RASGRP3: variants seen among roughly 807,000 people sequenced by gnomAD.
RASGRP3 encodes RAS guanyl releasing protein 3, also known as ras guanyl-releasing protein 3.
A neutral mutation model predicts 82.7 loss-of-function variants in RASGRP3; 54 were observed. That is an observed-to-expected ratio of 0.65 (90% CI 0.52 to 0.82). RASGRP3 has a LOEUF of 0.82. RASGRP3 is among the 40% of genes least tolerant of loss of function. The pLI, the probability that RASGRP3 is intolerant of heterozygous loss-of-function variation, is 0.00. For missense variants in RASGRP3, 861 were observed against 828.9 expected (o/e 1.04, Z -0.48); for synonymous variants, 309 against 300.5 (o/e 1.03, Z -0.29).
intron 14 of RASGRP3, among the ~76,000 whole-genome samples, chr2:33,550,509 A>C (rs1274936825): frequency 2.0e-5 from 3 of 152,204 alleles, no homozygotes; most frequent in African/African-American, 7.2e-5. Flanking sequence ...TTTGGGAACC[A>C]AGGTCAGTTT....
At chr2:33,457,141 G>T (rs562350736) in intron 2 of RASGRP3, among the ~76,000 whole-genome samples, 24 of 152,052 alleles carry the variant, frequency 1.6e-4, no homozygotes, top group Middle Eastern at 3.4e-3. Flanking sequence ...AAAGTACTGG[G>T]GTTACAGGTG....
At chr2:33,441,707 C>A (rs1015484050) in intron 1 of RASGRP3, among the ~76,000 whole-genome samples, 3 of 152,224 alleles carry the variant, frequency 2.0e-5, no homozygotes, top group Non-Finnish European at 4.4e-5. Context: ...ACTAAACTTT[C>A]AATGCACATA....
At chr2:33,556,044 TA>T (rs1675909608) in intron 15 of RASGRP3, among the ~76,000 whole-genome samples, 1 of 152,306 alleles carries the variant, frequency 6.6e-6, no homozygotes, top group South Asian at 2.1e-4. Context: ...TGCTTTCCTC[TA>T]TCTTTCCCAT....
At position 33,562,915 on chromosome 2, in the gene RASGRP3, TAAC is replaced by T; in HGVS notation, c.*179_*181del. On this transcript the variant is annotated 3_prime_UTR_variant, in exon 18 of 18. Coordinates refer to ENST00000403687, the MANE Select transcript of RASGRP3 (RefSeq NM_001139488.2). ...TATGGGACAGAGAATTGACCCTAAC[TAAC>T]TAACTATGAACTATTTATTTCCTCC... The T allele has an allele frequency of 6.9e-6, 5 of 724,806 alleles. No individual in the cohort carries two copies. The highest frequency in any genetic ancestry group is 1.1e-5 in the Non-Finnish European group (5 of 443,710). The allele number at this position is 724,806 out of a possible 1,614,324, so 44.9% of individuals were successfully genotyped here.
intron 1 of RASGRP3, among the ~76,000 whole-genome samples, chr2:33,437,540 G>A (rs916273018): frequency 9.2e-5 from 14 of 152,196 alleles, no homozygotes; most frequent in Admixed American, 9.2e-4. Context: ...AAGGAAATGT[G>A]TGGCTGTTAT....
chr2:33,505,153 T>TCATCAC (rs1553347435), intron 1 of RASGRP3, among the ~76,000 whole-genome samples: 9,211 of 149,842 alleles, frequency 0.061, 316 homozygotes, highest in South Asian at 0.12. Context: ...ATCATCATCA[T>TCATCAC]CACCACCACC....
intron 1 of RASGRP3, among the ~76,000 whole-genome samples, chr2:33,503,702 A>G (rs1043533614): frequency 6.6e-6 from 1 of 152,192 alleles, no homozygotes; most frequent in African/African-American, 2.4e-5. Flanking sequence ...CATCCCATAA[A>G]AGAGTACTAT....
chr2:33,509,198 C>T (rs914384444), intron 1 of RASGRP3, among the ~76,000 whole-genome samples: 21 of 151,956 alleles, frequency 1.4e-4, no homozygotes, highest in African/African-American at 5.1e-4. Context: ...GTCAGGAGTT[C>T]GAGACCAGCC....
At chr2:33,511,109 AC>A (rs1670884844) in intron 1 of RASGRP3, among the ~76,000 whole-genome samples, 1 of 152,190 alleles carries the variant, frequency 6.6e-6, no homozygotes, top group Non-Finnish European at 1.5e-5. Flanking sequence ...AATAATTCAA[AC>A]CCTGGGAGAA....
chr2:33,499,227 T>C (rs1669623497), intron 1 of RASGRP3, among the ~76,000 whole-genome samples: 1 of 152,138 alleles, frequency 6.6e-6, no homozygotes, highest in Non-Finnish European at 1.5e-5. Context: ...CCTGTCTCCC[T>C]GGCTTTGTCC....
chr2:33,527,517 G>A (rs1553355634), intron 10 of RASGRP3, 105 bp downstream of exon 10: 1 of 1,250,408 alleles, frequency 8.0e-7, no homozygotes, highest in Non-Finnish European at 1.1e-6. Context: ...GGGAAAATTG[G>A]TTTCAGAGTC....
chr2:33,527,523 G>C (rs1359916403), intron 10 of RASGRP3, 111 bp downstream of exon 10: 1 of 1,150,422 alleles, frequency 8.7e-7, no homozygotes, highest in African/African-American at 1.6e-5. Context: ...ATTGGTTTCA[G>C]AGTCAATAGA....
intron 1 of RASGRP3, among the ~76,000 whole-genome samples, chr2:33,510,392 C>G (rs1670815480): frequency 6.6e-6 from 1 of 152,184 alleles, no homozygotes; most frequent in Non-Finnish European, 1.5e-5. Context: ...TTCCTAGATA[C>G]CGTCTGGGAA....
chr2:33,549,459 C>T, intron 13 of RASGRP3, 145 bp from the exon 14 acceptor site: 2 of 781,392 alleles, frequency 2.6e-6, no homozygotes, highest in Non-Finnish European at 4.0e-6. Context: ...TTGAGGTTTG[C>T]TCCTTCTCTG....
intron 13 of RASGRP3, among the ~76,000 whole-genome samples, chr2:33,546,080 G>T (rs1007411446): frequency 2.6e-5 from 4 of 151,710 alleles, no homozygotes; most frequent in African/African-American, 4.8e-5. Flanking sequence ...AAAGTTCTGG[G>T]ATTCCAGGCG....
intron 1 of RASGRP3, among the ~76,000 whole-genome samples, chr2:33,505,031 A>G (rs1670227741): frequency 6.6e-6 from 1 of 152,094 alleles, no homozygotes; most frequent in Admixed American, 6.6e-5. Flanking sequence ...ATTGTTTGGG[A>G]GGAGCCTGGC....
At chr2:33,496,732 C>G (rs769540166) in intron 1 of RASGRP3, among the ~76,000 whole-genome samples, 21 of 152,168 alleles carry the variant, frequency 1.4e-4, no homozygotes, top group Non-Finnish European at 2.6e-4. Context: ...CGGCGCATGC[C>G]TGTAGTCCCA....
At chr2:33,546,434 AAAAAG>A (rs1401099612) in intron 13 of RASGRP3, among the ~76,000 whole-genome samples, 1 of 151,940 alleles carries the variant, frequency 6.6e-6, no homozygotes, top group Non-Finnish European at 1.5e-5. Context: ...AAAAAAAAAA[AAAAAG>A]AAAGTCAAAA....
At chr2:33,450,579 C>T (rs1665730006) in intron 2 of RASGRP3, among the ~76,000 whole-genome samples, 1 of 151,990 alleles carries the variant, frequency 6.6e-6, no homozygotes, top group African/African-American at 2.4e-5. Flanking sequence ...GGCTAAATAG[C>T]ACTCCATTGT....
Sources: gnomAD v4.1 joint callset for allele counts (sites outside exome capture counted in the v4.1 genomes callset) on GRCh38, gnomAD v4.1.1 for gene constraint, MANE v1.5 for transcripts, NCBI Gene and HGNC (gene_info 2026-07-23, HGNC 2026-07-21) for gene names.